ATP13A3: variants seen among roughly 807,000 people sequenced by gnomAD.
ATP13A3 encodes ATPase 13A3.
In ATP13A3, 59 loss-of-function variants were observed where a neutral mutation model predicts 158.1. The ratio of observed to expected loss-of-function variants is 0.37; its 90% CI spans 0.30 to 0.46. The LOEUF (loss-of-function observed/expected upper bound fraction) is 0.46, where lower values mean the gene tolerates loss of function less well. Among genes scored for constraint, ATP13A3 ranks in the 20% least tolerant of loss-of-function variants. ATP13A3 has a pLI of 1.00. For synonymous variants in ATP13A3, 491 were observed against 504.3 expected, an observed-to-expected ratio of 0.97 and a Z score of 0.35; for missense variants, 1,166 against 1,525.2, an observed-to-expected ratio of 0.76 and a Z score of 3.92.
At chr3:194,468,177 A>C (rs1183694859) in intron 2 of ATP13A3, 2 of 152,172 alleles carry the variant, frequency 1.3e-5, no homozygotes, top group African/African-American at 2.4e-5. Flanking sequence ...ATTTTTAGTA[A>C]GTTTTCAGAA....
At chr3:194,412,610 A>G (rs1345012537) in intron 32 of ATP13A3, 4 of 315,926 alleles carry the variant, frequency 1.3e-5, no homozygotes, top group South Asian at 9.9e-5. Flanking sequence ...TTTTCATTGA[A>G]TATCTAGTAC....
Position 194,410,331 on chromosome 3 carries a change from A to AACC in ATP13A3, c.3573+1867_3573+1868insGGT, listed in dbSNP as rs869283016. Among the ~76,000 whole-genome samples the AACC allele has an allele frequency of 2.9e-3, 386 of 133,040 alleles. 5 individuals are homozygous for AACC. The highest frequency in any genetic ancestry group is 0.011 in the African/African-American group (367 of 34,896). The allele number at this position is 133,040 out of a possible 152,430, so 87.3% of individuals were successfully genotyped here. A position where few individuals can be genotyped will look rare whatever the true frequency, so the allele number is the denominator to read the frequency against. ...AAAAAAAAAAAAAAAAAAAAAAAAA[A>AACC]CTGCTGGGCCTGGGATGGCATGCAC... On this transcript the variant is annotated intron_variant, in intron 33 of 33. Coordinates refer to ENST00000645319, the MANE Select transcript of ATP13A3 (RefSeq NM_001367549.1).
rs369894599 is a variant in ATP13A3, at chr3:194,459,495, G to A, written c.455C>T (p.Thr152Ile). The change falls in exon 6 of 34, where the codon ACC becomes ATC. Residue 152 changes from threonine (T) to isoleucine (I), a missense_variant. Around this residue, in one of 3 missense-constraint regions of ATP13A3, gnomAD observed 104 missense variants for 91.7 expected, o/e 1.13. Transcript: ENST00000645319. ...HHSVKYFWND[T>I]IHNFDFLKGL... ...CTTTAAGAAATCAAAATTGTGAATG[G>A]TATCATTCCAGAAATATTTTACACT... is the stretch of plus-strand genomic sequence containing the variant. The A allele has an allele frequency of 7.1e-5, 114 of 1,599,536 alleles. No individual in the cohort carries two copies. In the South Asian group the frequency reaches 1.1e-3, roughly 16 times the overall value.
Position 194,448,527 on chromosome 3 carries a change from A to G in ATP13A3, c.1080T>C (p.Phe360=), listed in dbSNP as rs1718565204. 1 of 1,614,162 alleles carries G rather than the reference A, an allele frequency of 6.2e-7. No homozygotes were observed. Among genetic ancestry groups the G allele is most frequent in the Non-Finnish European group, 8.5e-7 (1 of 1,179,994 alleles). Residue 360 remains phenylalanine (F), a synonymous_variant, in exon 12 of 34, where the codon TTT becomes TTC. Coordinates refer to ENST00000645319, the MANE Select transcript of ATP13A3 (RefSeq NM_001367549.1). This position sits in a 1 kb window ranked among gnomAD's most constrained non-coding sequence, Gnocchi z 4.0. ...NPETHKRHTL[F]CGTTVIQTRF... ...GAGTCTGAATAACAGTTGTCCCACA[A>G]AACAAAGTATGTCGTTTATGTGTTT...
chr3:194,450,296 G>T lies in ATP13A3; in HGVS notation c.839-20C>A, dbSNP rs201447320. On this transcript the variant is annotated intron_variant, in intron 10 of 33. Transcript: ENST00000645319. The stretch of plus-strand genomic sequence containing the variant: ...CTATTTCTGAAATTAAAGAAAGAAA[G>T]AAAAATCTGAAAAAGATATTCTTTA... 2.5e-6 allele frequency: 4 copies of T among 1,593,930 alleles called. No homozygotes were observed. The highest frequency in any genetic ancestry group is 3.4e-6 in the Non-Finnish European group (4 of 1,165,128).
intron 21 of ATP13A3, chr3:194,432,114 T>C (rs1315438590): frequency 7.1e-6 from 3 of 425,320 alleles, no homozygotes; most frequent in African/African-American, 4.1e-5. Flanking sequence ...AGAAAACATC[T>C]CACCCACAAT....
In ATP13A3 at chr3:194,448,903, T is replaced by C. The variant is rs1718593860; in HGVS notation, c.971-267A>G. Among the ~76,000 whole-genome samples, 1 of 152,218 alleles carries C rather than the reference T, an allele frequency of 6.6e-6. No individual in the cohort carries two copies. Among genetic ancestry groups the C allele is most frequent in the African/African-American group, 2.4e-5 (1 of 41,452 alleles). On this transcript the variant is annotated intron_variant, in intron 11 of 33. Transcript: ENST00000645319. The surrounding 1 kb of genome is among the most constrained non-coding windows in gnomAD (Gnocchi z 4.0). ...CTCAAAGGTAATATTTGTTTATATT[T>C]AGAAACAGTTGCATTGTTCAGTTTC...
intron 2 of ATP13A3, among the ~76,000 whole-genome samples, chr3:194,469,496 T>C (rs1720198532): frequency 6.6e-6 from 1 of 152,070 alleles, no homozygotes. Flanking sequence ...TAAATAAGTA[T>C]AAAAGAAATT....
chr3:194,457,641 A>C (rs966631774), intron 6 of ATP13A3, among the ~76,000 whole-genome samples: 1 of 152,174 alleles, frequency 6.6e-6, no homozygotes, highest in African/African-American at 2.4e-5. Flanking sequence ...ATCTCCATAA[A>C]AGCATCAAGC....
intron 33 of ATP13A3, among the ~76,000 whole-genome samples, chr3:194,409,083 C>A (rs1186002555): frequency 6.6e-6 from 1 of 152,142 alleles, no homozygotes; most frequent in East Asian, 1.9e-4. Context: ...CTTCAGTGAC[C>A]AAATTCATCC....
At chr3:194,459,037 C>T (rs1719450558) in intron 6 of ATP13A3, 1 of 157,008 alleles carries the variant, frequency 6.4e-6, no homozygotes, top group African/African-American at 2.4e-5. Context: ...ATTACTACAG[C>T]TTGCCCCATT....
chr3:194,483,032 A>T (rs575120836), intron 2 of ATP13A3, among the ~76,000 whole-genome samples: 60 of 151,672 alleles, frequency 4.0e-4, no homozygotes, highest in African/African-American at 1.3e-3. Context: ...GCTTGAACCC[A>T]GGAGGCGGAA....
intron 14 of ATP13A3, among the ~76,000 whole-genome samples, chr3:194,445,944 T>C (rs1231173616): frequency 6.6e-6 from 1 of 152,152 alleles, no homozygotes; most frequent in African/African-American, 2.4e-5. Flanking sequence ...TTAAACATAT[T>C]CAATAAAATC....
At chr3:194,427,051 T>G (rs778497534) in intron 29 of ATP13A3, 24 bp downstream of exon 29, 2 of 1,592,870 alleles carry the variant, frequency 1.3e-6, no homozygotes, top group South Asian at 2.3e-5. Flanking sequence ...TTATATAGAT[T>G]TTTACATAGA....
At chr3:194,444,919 T>C (rs1233477942) in intron 14 of ATP13A3, 133 bp from the exon 15 acceptor site, 2 of 620,544 alleles carry the variant, frequency 3.2e-6, no homozygotes, top group Non-Finnish European at 5.4e-6. Flanking sequence ...TCTACAGAGT[T>C]AAAAAAAGAA....
chr3:194,492,657 T>C (rs1721159866), intron 2 of ATP13A3, among the ~76,000 whole-genome samples: 1 of 152,130 alleles, frequency 6.6e-6, no homozygotes, highest in Non-Finnish European at 1.5e-5. Context: ...GGTTTCACCA[T>C]GTTGGCCAGG....
intron 2 of ATP13A3, among the ~76,000 whole-genome samples, chr3:194,472,828 T>A (rs1190461190): frequency 6.6e-6 from 1 of 152,126 alleles, no homozygotes; most frequent in African/African-American, 2.4e-5. Flanking sequence ...TAAAAAATAA[T>A]AAAATTATGT....
intron 29 of ATP13A3, 32 bp downstream of exon 29, chr3:194,427,040 TTTA>T: frequency 6.4e-7 from 1 of 1,574,366 alleles, no homozygotes; most frequent in Non-Finnish European, 8.6e-7. Flanking sequence ...TTGCACATAT[TTTA>T]TATAGATTTT....
chr3:194,470,952 G>A lies in ATP13A3; in HGVS notation c.-46-8716C>T, dbSNP rs117404453. Among the ~76,000 whole-genome samples, 26 of 152,294 alleles carry A rather than the reference G, an allele frequency of 1.7e-4. No individual in the cohort carries two copies. The East Asian group carries it at 1.9e-3, about 11-fold the overall frequency. ...CTACTCCTGAGATAATCAAAAAGGCGAATACATCAATAAATTGGTGACAAT... is the reference window on the plus strand; with the variant it reads ...CTACTCCTGAGATAATCAAAAAGGCAAATACATCAATAAATTGGTGACAAT... On this transcript the variant is annotated intron_variant, in intron 2 of 33. Coordinates refer to ENST00000645319, the MANE Select transcript of ATP13A3 (RefSeq NM_001367549.1).
Sources: gnomAD v4.1 joint callset for allele counts (sites outside exome capture counted in the v4.1 genomes callset) on GRCh38, gnomAD v4.1.1 for gene constraint, gnomAD v4.1.1 regional missense constraint, Gnocchi (gnomAD v3.1) non-coding constraint, MANE v1.5 for transcripts, NCBI Gene and HGNC (gene_info 2026-07-23, HGNC 2026-07-21) for gene names.